CSMD1: variants seen among roughly 807,000 people sequenced by gnomAD.
CSMD1 encodes the protein CUB and sushi domain-containing protein 1.
CSMD1 carries 213 observed loss-of-function variants against 417.5 expected under a neutral mutation model. The observed-to-expected ratio is 0.51, with a 90% CI of 0.46 to 0.57. The LOEUF is 0.57. Ranked by LOEUF, CSMD1 falls within the 20% of genes least tolerant of loss-of-function variation. The pLI is 0.00. For missense variants in CSMD1, 6,923 were observed against 4,529.7 expected (o/e 1.53, Z -15.17); for synonymous variants, 2,862 against 1,736.8 (o/e 1.65, Z -16.11).
chr8:4,189,566 T>C (rs1380540229), intron 3 of CSMD1, among the ~76,000 whole-genome samples: 1 of 152,164 alleles, frequency 6.6e-6, no homozygotes, highest in African/African-American at 2.4e-5. Context: ...CTCCAAAATG[T>C]TGATATATGC....
At chr8:3,560,939 G>C (rs1191586117) in intron 10 of CSMD1, among the ~76,000 whole-genome samples, 4 of 152,044 alleles carry the variant, frequency 2.6e-5, no homozygotes, top group South Asian at 2.1e-4. Context: ...GTTGTATTTA[G>C]AATCCAGATT....
chr8:3,840,391 G>A (rs1210278827), intron 5 of CSMD1, among the ~76,000 whole-genome samples: 3 of 152,134 alleles, frequency 2.0e-5, no homozygotes, highest in Non-Finnish European at 2.9e-5. Flanking sequence ...ATAATAGTGT[G>A]TAAATAAGCA....
At chr8:4,205,293 G>C (rs182833211) in intron 3 of CSMD1, among the ~76,000 whole-genome samples, 33 of 152,164 alleles carry the variant, frequency 2.2e-4, no homozygotes, top group African/African-American at 7.7e-4. Flanking sequence ...ATAGTTCCTT[G>C]AAAAAGATTA....
At position 3,762,373 on chromosome 8, in the gene CSMD1, T is replaced by A. The variant is rs1798055354; in HGVS notation, c.819-8331A>T. On this transcript the variant is annotated intron_variant, in intron 5 of 69. Transcript: ENST00000635120. ...GCAGTCTCAGGGAAGCCTGCCCTGA[T>A]CTCTAAGATCAGGCAGCTCCTCCTT... Among the ~76,000 whole-genome samples, 3 of 152,286 alleles carry A rather than the reference T, an allele frequency of 2.0e-5. No homozygotes were observed. In the South Asian group the frequency reaches 6.2e-4, roughly 32 times the overall value.
chr8:3,646,158 A>G (rs888941346), intron 7 of CSMD1, among the ~76,000 whole-genome samples: 11 of 152,140 alleles, frequency 7.2e-5, no homozygotes, highest in African/African-American at 2.4e-4. Flanking sequence ...TTCACAATAT[A>G]TAAAATGAAA....
At chr8:2,976,474 G>A (rs765039971) in intron 55 of CSMD1, among the ~76,000 whole-genome samples, 6 of 152,070 alleles carry the variant, frequency 3.9e-5, no homozygotes, top group Non-Finnish European at 8.8e-5. Flanking sequence ...GCCTCCCAAT[G>A]TGCTGGGACT....
chr8:3,245,224 G>C (rs541849690), intron 26 of CSMD1, among the ~76,000 whole-genome samples: 50 of 152,224 alleles, frequency 3.3e-4, no homozygotes, highest in African/African-American at 1.2e-3. Flanking sequence ...AGTTGTCCTT[G>C]AGTCCTCCCT....
At chr8:4,086,057 G>A (rs992207570) in intron 3 of CSMD1, among the ~76,000 whole-genome samples, 1 of 152,182 alleles carries the variant, frequency 6.6e-6, no homozygotes, top group African/African-American at 2.4e-5. Context: ...ATGCAATCAA[G>A]TATCAACAAA....
chr8:4,984,930 G>T (rs1029002263), intron 1 of CSMD1, among the ~76,000 whole-genome samples: 2 of 152,102 alleles, frequency 1.3e-5, no homozygotes, highest in African/African-American at 4.8e-5. Flanking sequence ...ATATGCATCC[G>T]GAAGACCACT....
intron 2 of CSMD1, among the ~76,000 whole-genome samples, chr8:4,629,340 G>T (rs1416975357): frequency 6.6e-6 from 1 of 152,138 alleles, no homozygotes; most frequent in African/African-American, 2.4e-5. Flanking sequence ...AAATGTGAAG[G>T]TATGCCCATT....
intron 2 of CSMD1, among the ~76,000 whole-genome samples, chr8:4,551,405 C>T (rs577551135): frequency 2.0e-5 from 3 of 152,182 alleles, no homozygotes; most frequent in African/African-American, 4.8e-5. Flanking sequence ...AAACCCCATG[C>T]GGACTACTGT....
intron 1 of CSMD1, among the ~76,000 whole-genome samples, chr8:4,704,877 C>T (rs543026072): frequency 3.0e-4 from 45 of 152,112 alleles, no homozygotes; most frequent in Non-Finnish European, 5.4e-4. Context: ...CTCCAAAAAC[C>T]CTATGGTAAA....
At chr8:4,082,969 A>G (rs901407274) in intron 3 of CSMD1, among the ~76,000 whole-genome samples, 1 of 151,076 alleles carries the variant, frequency 6.6e-6, no homozygotes, top group Non-Finnish European at 1.5e-5. Flanking sequence ...GCTGAATAGG[A>G]CTCCATGGTG....
chr8:4,971,508 T>C (rs1051552088), intron 1 of CSMD1, among the ~76,000 whole-genome samples: 3 of 151,920 alleles, frequency 2.0e-5, no homozygotes, highest in Non-Finnish European at 4.4e-5. Context: ...ACTAAGGAAA[T>C]GATGAAGAAT....
intron 3 of CSMD1, among the ~76,000 whole-genome samples, chr8:4,295,189 TA>T (rs1563405606): frequency 2.4e-4 from 15 of 61,636 alleles, no homozygotes; most frequent in Admixed American, 5.4e-4. Flanking sequence ...ATCTTAAGAT[TA>T]TGCACATATA....
intron 1 of CSMD1, among the ~76,000 whole-genome samples, chr8:4,893,404 AT>A (rs1804260559): frequency 6.6e-6 from 1 of 151,658 alleles, no homozygotes; most frequent in Non-Finnish European, 1.5e-5. Flanking sequence ...TTTTTTCTTA[AT>A]GTTTATATTC....
At chr8:3,258,991 T>G (rs1800861500) in intron 26 of CSMD1, among the ~76,000 whole-genome samples, 1 of 152,108 alleles carries the variant, frequency 6.6e-6, no homozygotes, top group African/African-American at 2.4e-5. Context: ...AACTAATGGG[T>G]ACTAGGCTTA....
chr8:4,087,645 C>T (rs931067513), intron 3 of CSMD1, among the ~76,000 whole-genome samples: 5 of 152,120 alleles, frequency 3.3e-5, no homozygotes, highest in Admixed American at 2.6e-4. Context: ...CTCTCACATT[C>T]TTACTCTTTC....
At chr8:3,418,576 A>T (rs1002491239) in intron 12 of CSMD1, among the ~76,000 whole-genome samples, 4 of 152,184 alleles carry the variant, frequency 2.6e-5, no homozygotes, top group Non-Finnish European at 4.4e-5. Context: ...ATTGATTTTG[A>T]GCTGAAGATT....
Sources: gnomAD v4.1 joint callset for allele counts (sites outside exome capture counted in the v4.1 genomes callset) on GRCh38, gnomAD v4.1.1 for gene constraint, MANE v1.5 for transcripts, NCBI Gene and HGNC (gene_info 2026-07-23, HGNC 2026-07-21) for gene names.